KCNIP4: variants seen among roughly 807,000 people sequenced by gnomAD.
KCNIP4 encodes Kv channel-interacting protein 4.
Under a neutral mutation model 34.0 loss-of-function variants are expected in KCNIP4, and 12 were observed. That is an observed-to-expected ratio of 0.35 (90% CI 0.23 to 0.57). The LOEUF is 0.57. Ranked by LOEUF, KCNIP4 falls within the 20% of genes least tolerant of loss-of-function variation. The pLI is 0.83. For missense variants in KCNIP4, 238 were observed against 311.7 expected (o/e 0.76, Z 1.78); for synonymous variants, 124 against 102.2 (o/e 1.21, Z -1.29).
intron 1 of KCNIP4, among the ~76,000 whole-genome samples, chr4:20,935,133 A>T (rs1208808535): frequency 6.6e-6 from 1 of 152,124 alleles, no homozygotes; most frequent in Non-Finnish European, 1.5e-5. Context: ...TCTTAACTTG[A>T]TTGCACCTAA....
chr4:21,875,810 C>T (rs1308514507), intron 1 of KCNIP4, among the ~76,000 whole-genome samples: 1 of 152,064 alleles, frequency 6.6e-6, no homozygotes, highest in African/African-American at 2.4e-5. Flanking sequence ...ATGTCAGATG[C>T]ATTTTTTCTA....
intron 1 of KCNIP4, among the ~76,000 whole-genome samples, chr4:21,779,706 CA>C (rs1197400107): frequency 6.6e-6 from 1 of 152,056 alleles, no homozygotes; most frequent in Non-Finnish European, 1.5e-5. Context: ...AGTTCCAGAC[CA>C]GCCTGGGTGA....
At chr4:20,776,690 TA>T (rs1381280080) in intron 3 of KCNIP4, among the ~76,000 whole-genome samples, 1 of 152,242 alleles carries the variant, frequency 6.6e-6, no homozygotes, top group African/African-American at 2.4e-5. Flanking sequence ...AATTATGTTT[TA>T]TTTTTTTCCA....
chr4:21,622,672 T>C (rs1394161018), intron 1 of KCNIP4, among the ~76,000 whole-genome samples: 1 of 152,120 alleles, frequency 6.6e-6, no homozygotes, highest in Non-Finnish European at 1.5e-5. Context: ...ACTATAAAAC[T>C]ACATAATTCT....
chr4:20,954,460 G>A (rs964380225), intron 1 of KCNIP4, among the ~76,000 whole-genome samples: 1 of 152,174 alleles, frequency 6.6e-6, no homozygotes, highest in Non-Finnish European at 1.5e-5. Flanking sequence ...TCTGCAGGGT[G>A]TAGAGATGAT....
At chr4:21,589,202 G>A (rs451519) in intron 1 of KCNIP4, among the ~76,000 whole-genome samples, 2,570 of 15,106 alleles carry the variant, frequency 0.17, 177 homozygotes, top group East Asian at 0.29. Flanking sequence ...ATATATATAT[G>A]TGTACATATA....
At chr4:21,387,886 C>T (rs900454078) in intron 1 of KCNIP4, among the ~76,000 whole-genome samples, 5 of 152,180 alleles carry the variant, frequency 3.3e-5, no homozygotes, top group African/African-American at 1.2e-4. Context: ...AGGTGTGGTG[C>T]TAAGCAGTTA....
intron 1 of KCNIP4, among the ~76,000 whole-genome samples, chr4:21,539,515 A>C (rs1737494630): frequency 6.6e-6 from 1 of 152,210 alleles, no homozygotes; most frequent in Non-Finnish European, 1.5e-5. Context: ...ATTATAAATT[A>C]AGAAAATTTA....
chr4:21,932,958 C>T (rs114902944), intron 1 of KCNIP4, among the ~76,000 whole-genome samples: 1 of 150,654 alleles, frequency 6.6e-6, no homozygotes, highest in Non-Finnish European at 1.5e-5. Flanking sequence ...TTGGAGACTG[C>T]TGACCTAGAC....
chr4:20,944,859 T>A, intron 1 of KCNIP4, among the ~76,000 whole-genome samples: 1 of 82,220 alleles, frequency 1.2e-5, no homozygotes, highest in East Asian at 4.1e-4. Context: ...TTCTGTTTTC[T>A]GAGCACGTGT....
chr4:20,941,893 G>C lies in KCNIP4; in HGVS notation c.62-59184C>G, dbSNP rs1478132226. 2.0e-5 allele frequency among the ~76,000 whole-genome samples: 3 copies of C among 152,112 alleles called. No homozygotes were observed. The East Asian group carries it at 5.8e-4, about 29-fold the overall frequency. ...ATTTCTGTAGGACCGGAGTTATTTTGCTTTGGGCAGACCTGACCCTAGGCA... is the reference window on the plus strand; with the variant it reads ...ATTTCTGTAGGACCGGAGTTATTTTCCTTTGGGCAGACCTGACCCTAGGCA... On this transcript the variant is annotated intron_variant, in intron 1 of 8. Transcript: ENST00000382152.
intron 1 of KCNIP4, among the ~76,000 whole-genome samples, chr4:21,107,297 C>A (rs530973701): frequency 4.5e-4 from 63 of 140,764 alleles, no homozygotes; most frequent in South Asian, 1.5e-3. Flanking sequence ...TTGGGTGCCT[C>A]TATATTTAGG....
intron 1 of KCNIP4, among the ~76,000 whole-genome samples, chr4:21,293,775 A>G (rs546570471): frequency 6.6e-5 from 10 of 152,364 alleles, no homozygotes; most frequent in African/African-American, 2.4e-4. Context: ...TTAAAAAATC[A>G]TATGTAAAAT....
At chr4:21,322,294 A>G (rs544414778) in intron 1 of KCNIP4, among the ~76,000 whole-genome samples, 23 of 152,294 alleles carry the variant, frequency 1.5e-4, no homozygotes, top group Admixed American at 9.8e-4. Flanking sequence ...AACCTGAGCC[A>G]GCTGAGGAGA....
intron 1 of KCNIP4, among the ~76,000 whole-genome samples, chr4:21,125,993 C>T (rs76566628): frequency 0.015 from 2,219 of 151,988 alleles, 56 homozygotes; most frequent in African/African-American, 0.051. Context: ...TCTTTTTAGT[C>T]GTTACAGTGC....
chr4:21,692,572 A>G (rs758067757), intron 1 of KCNIP4, among the ~76,000 whole-genome samples: 2 of 152,206 alleles, frequency 1.3e-5, no homozygotes, highest in African/African-American at 2.4e-5. Flanking sequence ...ATAGGTTTCA[A>G]TGGAAGAAAG....
At chr4:21,284,049 C>T (rs1560251281) in intron 1 of KCNIP4, among the ~76,000 whole-genome samples, 1 of 150,916 alleles carries the variant, frequency 6.6e-6, no homozygotes, top group Non-Finnish European at 1.5e-5. Flanking sequence ...CCATCTCTAC[C>T]AAAAATACAA....
At chr4:21,452,358 G>A (rs1728580567) in intron 1 of KCNIP4, among the ~76,000 whole-genome samples, 1 of 152,106 alleles carries the variant, frequency 6.6e-6, no homozygotes, top group Non-Finnish European at 1.5e-5. Context: ...ATCTTGGAGA[G>A]TAAAGGGTAG....
intron 1 of KCNIP4, among the ~76,000 whole-genome samples, chr4:20,997,976 C>A (rs1368089484): frequency 6.6e-6 from 1 of 152,092 alleles, no homozygotes; most frequent in Non-Finnish European, 1.5e-5. Context: ...ATCAGGTAAT[C>A]CAGGTAGAGC....
Sources: allele counts gnomAD v4.1 joint callset (sites outside exome capture counted in the v4.1 genomes callset), GRCh38; gene constraint gnomAD v4.1.1; transcripts MANE v1.5; gene names NCBI Gene and HGNC (gene_info 2026-07-23, HGNC 2026-07-21).